The following LINGO2 variants were observed in gnomAD, a reference collection of about 807,000 sequenced individuals.
LINGO2 encodes the protein leucine rich repeat and Ig domain containing 2, also known as leucine-rich repeat and immunoglobulin-like domain-containing nogo receptor-interacting protein 2.
A neutral mutation model predicts 30.6 loss-of-function variants in LINGO2; 14 were observed. The ratio of observed to expected loss-of-function variants is 0.46; its 90% CI spans 0.30 to 0.72. The LOEUF (loss-of-function observed/expected upper bound fraction) is 0.72. LINGO2 is among the 30% of genes least tolerant of loss of function. The probability of loss-of-function intolerance (pLI) is 0.07; values close to 1 mark genes in which losing one functional copy is unlikely to be tolerated. For synonymous variants in LINGO2, 317 were observed against 288.5 expected, an observed-to-expected ratio of 1.10 and a Z score of -1.00; for missense variants, 729 against 751.7, an observed-to-expected ratio of 0.97 and a Z score of 0.35.
At chr9:28,284,027 C>T (rs564461507) in intron 4 of LINGO2, among the ~76,000 whole-genome samples, 4 of 152,080 alleles carry the variant, frequency 2.6e-5, no homozygotes, top group African/African-American at 7.2e-5. Flanking sequence ...CAGTTCAAAC[C>T]TCTTGCAAAT....
intron 4 of LINGO2, among the ~76,000 whole-genome samples, chr9:28,039,217 A>G (rs1563934687): frequency 2.0e-5 from 3 of 152,236 alleles, no homozygotes; most frequent in African/African-American, 7.2e-5. Flanking sequence ...GTTGTTTTCT[A>G]TAAATGTTTC....
the LINGO2 span, among the ~76,000 whole-genome samples, chr9:29,153,345 G>T: frequency 1.3e-5 from 2 of 151,972 alleles, no homozygotes; most frequent in African/African-American, 4.8e-5. Flanking sequence ...TTTATTAAAG[G>T]TAACATGACT....
chr9:28,870,569 T>C, the LINGO2 span, among the ~76,000 whole-genome samples: 2 of 152,112 alleles, frequency 1.3e-5, no homozygotes, highest in African/African-American at 4.8e-5. Context: ...TACGTTTATC[T>C]GTCTTCCAAT....
the LINGO2 span, among the ~76,000 whole-genome samples, chr9:29,147,530 C>A: frequency 6.6e-6 from 1 of 152,020 alleles, no homozygotes; most frequent in African/African-American, 2.4e-5. Context: ...AATTTCAGAC[C>A]TATTTATGCT....
the LINGO2 span, among the ~76,000 whole-genome samples, chr9:29,025,895 A>C: frequency 6.6e-6 from 1 of 151,740 alleles, no homozygotes; most frequent in African/African-American, 2.4e-5. Context: ...TGTGGTATTT[A>C]TTTTTCTGTG....
intron 5 of LINGO2, among the ~76,000 whole-genome samples, chr9:27,950,986 TATAAAG>T (rs1211699172): frequency 3.3e-5 from 5 of 152,294 alleles, no homozygotes; most frequent in African/African-American, 7.2e-5. Flanking sequence ...GTTTGACAAG[TATAAAG>T]ATAATGTGTG....
chr9:27,988,463 C>A (rs1484938387), intron 5 of LINGO2, among the ~76,000 whole-genome samples: 3 of 152,052 alleles, frequency 2.0e-5, no homozygotes, highest in Non-Finnish European at 2.9e-5. Context: ...TACAGTCCCA[C>A]CAACAGTGTA....
chr9:28,333,337 A>C (rs1825486623), intron 3 of LINGO2, among the ~76,000 whole-genome samples: 1 of 152,212 alleles, frequency 6.6e-6, no homozygotes, highest in African/African-American at 2.4e-5. Flanking sequence ...GTGTAAGGGT[A>C]ATGTAGGTCA....
chr9:28,718,878 T>C, the LINGO2 span, among the ~76,000 whole-genome samples: 1 of 152,050 alleles, frequency 6.6e-6, no homozygotes, highest in Non-Finnish European at 1.5e-5. Flanking sequence ...TTAATTTGTA[T>C]TATAAATCTA....
intron 1 of LINGO2, among the ~76,000 whole-genome samples, chr9:28,570,462 C>T (rs1402876653): frequency 6.6e-6 from 1 of 151,764 alleles, no homozygotes; most frequent in Non-Finnish European, 1.5e-5. Context: ...TCTCCTTTAT[C>T]TGTCTATGCG....
the LINGO2 span, among the ~76,000 whole-genome samples, chr9:29,171,091 G>A: frequency 6.6e-6 from 1 of 151,968 alleles, no homozygotes; most frequent in African/African-American, 2.4e-5. Context: ...TTGTAGTACC[G>A]GACATGCAGT....
chr9:29,173,044 G>T, the LINGO2 span, among the ~76,000 whole-genome samples: 1 of 152,058 alleles, frequency 6.6e-6, no homozygotes, highest in East Asian at 1.9e-4. Context: ...ACAATTTGGG[G>T]TCTGAAGATG....
intron 1 of LINGO2, among the ~76,000 whole-genome samples, chr9:28,593,375 T>A (rs1227822985): frequency 6.6e-6 from 1 of 152,106 alleles, no homozygotes; most frequent in African/African-American, 2.4e-5. Context: ...ATACTCTAGT[T>A]ATGTGTAGTA....
At chr9:28,785,652 G>A in the LINGO2 span, among the ~76,000 whole-genome samples, 10 of 129,800 alleles carry the variant, frequency 7.7e-5, no homozygotes, top group South Asian at 1.5e-3. Flanking sequence ...GCCACCCAGG[G>A]CCCTTCTCTC....
At chr9:28,587,150 A>G (rs1263455215) in intron 1 of LINGO2, among the ~76,000 whole-genome samples, 5 of 151,942 alleles carry the variant, frequency 3.3e-5, no homozygotes, top group Non-Finnish European at 7.4e-5. Flanking sequence ...TTGTGAGGGG[A>G]AAAAACACTG....
At chr9:28,903,473 C>G in the LINGO2 span, among the ~76,000 whole-genome samples, 1 of 152,080 alleles carries the variant, frequency 6.6e-6, no homozygotes, top group Non-Finnish European at 1.5e-5. Flanking sequence ...ATTCATCCAT[C>G]CATTCATTCA....
chr9:28,982,400 A>G, the LINGO2 span, among the ~76,000 whole-genome samples: 1 of 152,022 alleles, frequency 6.6e-6, no homozygotes, highest in African/African-American at 2.4e-5. Context: ...AAAGTTTTGC[A>G]TTATGTGTAA....
intron 4 of LINGO2, among the ~76,000 whole-genome samples, chr9:28,198,388 T>C (rs1820095045): frequency 6.6e-6 from 1 of 152,148 alleles, no homozygotes; most frequent in Admixed American, 6.5e-5. Flanking sequence ...ATAAATATAC[T>C]GTATAGGAAA....
At chr9:28,632,146 A>C in intron 1 of LINGO2, among the ~76,000 whole-genome samples, 1 of 152,156 alleles carries the variant, frequency 6.6e-6, no homozygotes, top group East Asian at 1.9e-4. Flanking sequence ...GTGGGGAAGA[A>C]GTAGAAGAGC....
Sources: gnomAD v4.1 joint callset for allele counts (sites outside exome capture counted in the v4.1 genomes callset) on GRCh38, gnomAD v4.1.1 for gene constraint, MANE v1.5 for transcripts, NCBI Gene and HGNC (gene_info 2026-07-23, HGNC 2026-07-21) for gene names.